NSMCE2: variants seen among roughly 807,000 people sequenced by gnomAD.
The protein encoded by NSMCE2 is NSE2 SUMO ligase component of SMC5/6 complex.
Under a neutral mutation model 23.8 loss-of-function variants are expected in NSMCE2, and 24 were observed. The observed-to-expected ratio is 1.01, with a 90% CI of 0.73 to 1.42. The LOEUF is 1.42. Among genes scored for constraint, NSMCE2 ranks in the 40% most tolerant of loss-of-function variants. The pLI, the probability that NSMCE2 is intolerant of heterozygous loss-of-function variation, is 0.00. For missense variants in NSMCE2, 284 were observed against 296.5 expected (o/e 0.96, Z 0.31); for synonymous variants, 92 against 94.1 (o/e 0.98, Z 0.13).
At chr8:125,139,192 T>C (rs1820226411) in intron 3 of NSMCE2, among the ~76,000 whole-genome samples, 1 of 152,172 alleles carries the variant, frequency 6.6e-6, no homozygotes, top group Non-Finnish European at 1.5e-5. Context: ...AAATTTTACA[T>C]GGAGTAGAAG....
chr8:125,094,801 A>G (rs1817848151), intron 1 of NSMCE2, among the ~76,000 whole-genome samples: 1 of 152,182 alleles, frequency 6.6e-6, no homozygotes, highest in Non-Finnish European at 1.5e-5. Context: ...GTGTCTTCAC[A>G]TGGTAGGGAG....
chr8:125,222,461 T>TA (rs1405177665), intron 5 of NSMCE2, among the ~76,000 whole-genome samples: 1 of 152,188 alleles, frequency 6.6e-6, no homozygotes, highest in African/African-American at 2.4e-5. Context: ...CACTAAAACT[T>TA]ACTCCTCCCG....
intron 3 of NSMCE2, 40 bp downstream of exon 3, chr8:125,102,527 TAAC>T (rs981882978): frequency 1.3e-6 from 2 of 1,536,886 alleles, no homozygotes; most frequent in African/African-American, 2.7e-5. Context: ...TACTTTGAGG[TAAC>T]ACTGTGTGGT....
chr8:125,296,392 A>ATTTTTTTT (rs11410793), intron 5 of NSMCE2, among the ~76,000 whole-genome samples: 1 of 125,746 alleles, frequency 8.0e-6, no homozygotes. Context: ...TGCCATGGTC[A>ATTTTTTTT]TTTTTTTTTT....
At chr8:125,125,017 A>T (rs1819446019) in intron 3 of NSMCE2, among the ~76,000 whole-genome samples, 1 of 151,662 alleles carries the variant, frequency 6.6e-6, no homozygotes, top group Admixed American at 6.6e-5. Context: ...CTGGTCTGGA[A>T]CTCCTGACTT....
At chr8:125,201,915 T>A (rs1212167115) in intron 5 of NSMCE2, among the ~76,000 whole-genome samples, 1 of 151,912 alleles carries the variant, frequency 6.6e-6, no homozygotes. Context: ...CACCCCACCG[T>A]CCCCCACCCC....
At chr8:125,104,661 A>G (rs577020088) in intron 3 of NSMCE2, among the ~76,000 whole-genome samples, 1 of 152,256 alleles carries the variant, frequency 6.6e-6, no homozygotes, top group East Asian at 1.9e-4. Flanking sequence ...CTTTATCTGC[A>G]TAGCTCCCTC....
At chr8:125,350,952 C>T (rs182765571) in intron 5 of NSMCE2, among the ~76,000 whole-genome samples, 8 of 152,076 alleles carry the variant, frequency 5.3e-5, no homozygotes, top group African/African-American at 9.6e-5. Flanking sequence ...GCTGAGCAGG[C>T]GGCAGTAGTG....
chr8:125,095,668 G>A (rs1184761058), intron 1 of NSMCE2, among the ~76,000 whole-genome samples: 1 of 152,038 alleles, frequency 6.6e-6, no homozygotes, highest in Non-Finnish European at 1.5e-5. Context: ...GCCGAGGCCG[G>A]TGGATCACTT....
At chr8:125,157,264 C>T (rs967389258) in intron 4 of NSMCE2, among the ~76,000 whole-genome samples, 1 of 152,134 alleles carries the variant, frequency 6.6e-6, no homozygotes, top group African/African-American at 2.4e-5. Context: ...AAAAGCTCTT[C>T]GAGCCAGAGG....
intron 5 of NSMCE2, among the ~76,000 whole-genome samples, chr8:125,303,033 G>A (rs112856822): frequency 1.2e-3 from 187 of 152,266 alleles, no homozygotes; most frequent in African/African-American, 4.2e-3. Context: ...TTTCGCAAGC[G>A]GAGAGTCCTC....
At chr8:125,092,059 G>A (rs768692629) in intron 1 of NSMCE2, 101 bp downstream of exon 1, 1 of 152,204 alleles carries the variant, frequency 6.6e-6, no homozygotes. Flanking sequence ...CGTCTACCCG[G>A]ATTATGGTTG....
At chr8:125,334,267 C>T (rs1400039029) in intron 5 of NSMCE2, among the ~76,000 whole-genome samples, 1 of 152,112 alleles carries the variant, frequency 6.6e-6, no homozygotes, top group African/African-American at 2.4e-5. Flanking sequence ...GTGCTTTGAT[C>T]ATTGTCATCT....
At chr8:125,343,233 T>A (rs1483593225) in intron 5 of NSMCE2, among the ~76,000 whole-genome samples, 1 of 152,196 alleles carries the variant, frequency 6.6e-6, no homozygotes, top group Non-Finnish European at 1.5e-5. Flanking sequence ...CGCTGAGCAC[T>A]AACAGATGTG....
At chr8:125,214,249 C>T (rs1205424735) in intron 5 of NSMCE2, among the ~76,000 whole-genome samples, 1 of 152,060 alleles carries the variant, frequency 6.6e-6, no homozygotes, top group African/African-American at 2.4e-5. Flanking sequence ...GCAGGCCAGT[C>T]GTTGGAAGGC....
chr8:125,238,633 T>A (rs1237556320), intron 5 of NSMCE2, among the ~76,000 whole-genome samples: 1 of 152,196 alleles, frequency 6.6e-6, no homozygotes, highest in African/African-American at 2.4e-5. Flanking sequence ...GAATAATTGA[T>A]AACTAAATCT....
rs1277681339 is a variant in NSMCE2 at position 125,255,372 on chromosome 8, A to G, written c.418+73116A>G. ...AAACAATTTTGAAGCAATGTAGATT[A>G]CAATGACAGTGATATTTACTACGTA... On this transcript the variant is annotated intron_variant, in intron 5 of 7. Coordinates refer to ENST00000287437, the MANE Select transcript of NSMCE2 (RefSeq NM_173685.4). Among the ~76,000 whole-genome samples the G allele has an allele frequency of 3.9e-5, 6 of 152,236 alleles. No homozygotes were observed. The East Asian group carries it at 1.2e-3, about 29-fold the overall frequency.
At chr8:125,291,774 A>G (rs976593789) in intron 5 of NSMCE2, among the ~76,000 whole-genome samples, 4 of 152,218 alleles carry the variant, frequency 2.6e-5, no homozygotes, top group African/African-American at 9.6e-5. Context: ...CAGATCTCGT[A>G]AACAATAATT....
chr8:125,149,353 GA>G (rs1464225115), intron 3 of NSMCE2, among the ~76,000 whole-genome samples: 4 of 152,050 alleles, frequency 2.6e-5, no homozygotes, highest in African/African-American at 9.7e-5. Context: ...AGCCAAATGT[GA>G]ATGGACTTTA....
Sources: gnomAD v4.1 joint callset for allele counts (sites outside exome capture counted in the v4.1 genomes callset) on GRCh38, gnomAD v4.1.1 for gene constraint, MANE v1.5 for transcripts, NCBI Gene and HGNC (gene_info 2026-07-23, HGNC 2026-07-21) for gene names.